FXYD4: variants seen among roughly 807,000 people sequenced by gnomAD.
The protein encoded by FXYD4 is FXYD domain containing ion transport regulator 4, also known as FXYD domain-containing ion transport regulator 4.
A neutral mutation model predicts 18.3 loss-of-function variants in FXYD4; 14 were observed. The observed-to-expected ratio is 0.77, with a 90% CI of 0.51 to 1.20. FXYD4 has a LOEUF of 1.20. Among genes scored for constraint, FXYD4 ranks in the 50% most tolerant of loss-of-function variants. The probability of loss-of-function intolerance (pLI) is 0.00; values close to 1 mark genes in which losing one functional copy is unlikely to be tolerated. For synonymous variants in FXYD4, 40 were observed against 40.5 expected, an observed-to-expected ratio of 0.99 and a Z score of 0.04; for missense variants, 99 against 106.1, an observed-to-expected ratio of 0.93 and a Z score of 0.29.
chr10:43,373,402 A>C (rs1224452379), intron 2 of FXYD4, 113 bp from the exon 3 acceptor site: 9 of 313,278 alleles, frequency 2.9e-5, no homozygotes, highest in Non-Finnish European at 5.4e-5. Flanking sequence ...GGGGAGGAGT[A>C]GGGGGTGGGT....
At position 43,373,701 on chromosome 10, in the gene FXYD4, C is replaced by T. The variant is rs77710270; in HGVS notation, c.-46C>T. 34 of 1,196,466 alleles carry T rather than the reference C, an allele frequency of 2.8e-5. No homozygotes were observed. Among genetic ancestry groups the T allele is most frequent in the African/African-American group, 1.6e-4 (11 of 67,300 alleles). 74.1% of individuals were successfully genotyped at this position (1,196,466 alleles called of 1,614,324 possible). On this transcript the variant is annotated 5_prime_UTR_variant, in exon 3 of 9. Coordinates refer to ENST00000476166, the MANE Select transcript of FXYD4 (RefSeq NM_173160.3). ...AGCAGATCCGTGGGCTGCAGACCCC[C>T]GCCCCAGTGCCTCTCCCCCTGCAGC...
At chr10:43,374,528 C>T (rs1002209672) in intron 4 of FXYD4, 26 bp downstream of exon 4, 2 of 1,613,004 alleles carry the variant, frequency 1.2e-6, no homozygotes, top group African/African-American at 1.3e-5. Context: ...AAACAGCCTG[C>T]CCACTCTGCC....
chr10:43,374,513 C>T lies in FXYD4; in HGVS notation c.70+11C>T, dbSNP rs760177877. 5.6e-6 allele frequency: 9 copies of T among 1,613,576 alleles called. No individual in the cohort carries two copies. The South Asian group carries it at 7.7e-5, about 14-fold the overall frequency. ...CCAATGACCCATTTGGTGAGTGAGG[C>T]CCCCAAACAGCCTGCCCACTCTGCC... On this transcript the variant is annotated intron_variant, in intron 4 of 8. Transcript: ENST00000476166.
intron 5 of FXYD4, 67 bp from the exon 6 acceptor site, chr10:43,375,432 G>A: frequency 8.3e-7 from 1 of 1,210,512 alleles, no homozygotes; most frequent in South Asian, 1.2e-5. Context: ...AGGGGCTCAG[G>A]AGTGTCTTTT....
chr10:43,375,472 C>T (rs369585516), intron 5 of FXYD4, 27 bp from the exon 6 acceptor site: 55 of 1,588,714 alleles, frequency 3.5e-5, no homozygotes, highest in Non-Finnish European at 4.6e-5. Context: ...CAGGCTGGTG[C>T]AAGCTCACTC....
At chr10:43,375,430 A>G in intron 5 of FXYD4, 69 bp from the exon 6 acceptor site, 2 of 1,188,942 alleles carry the variant, frequency 1.7e-6, no homozygotes, top group South Asian at 1.2e-5. Flanking sequence ...GCAGGGGCTC[A>G]GGAGTGTCTT....
At chr10:43,374,685 G>T in intron 5 of FXYD4, 46 bp downstream of exon 5, 1 of 1,504,834 alleles carries the variant, frequency 6.6e-7, no homozygotes, top group South Asian at 1.1e-5. Context: ...GCCTATCCTG[G>T]ACCTCTTTGC....
At chr10:43,373,348 T>C (rs1837830591) in intron 2 of FXYD4, 167 bp from the exon 3 acceptor site, 1 of 189,806 alleles carries the variant, frequency 5.3e-6, no homozygotes, top group East Asian at 1.3e-4. Flanking sequence ...CTCCATTTTT[T>C]TTTTTCTTCT....
chr10:43,376,143 G>T lies in FXYD4; in HGVS notation c.251-4G>T, dbSNP rs746400372. The T allele has an allele frequency of 1.8e-5, 29 of 1,613,904 alleles. No homozygotes were observed. Among genetic ancestry groups the T allele is most frequent in the East Asian group, 1.6e-4 (7 of 44,870 alleles). On this transcript the variant is annotated splice_polypyrimidine_tract_variant and splice_region_variant and intron_variant, in intron 8 of 8. Transcript: ENST00000476166. The stretch of plus-strand genomic sequence containing the variant: ...TCTGATGGCCTGCCCGCCACTCTCC[G>T]CAGGCTCTGCCACTACTTGCTGAGC...
intron 5 of FXYD4, 32 bp downstream of exon 5, chr10:43,374,671 C>G: frequency 1.3e-6 from 2 of 1,564,492 alleles, no homozygotes; most frequent in Non-Finnish European, 1.8e-6. Flanking sequence ...CCCACCCTAC[C>G]CTTGCCTATC....
In FXYD4 at chr10:43,376,281, C is replaced by A; in HGVS notation, c.*115C>A. 1 of 1,116,208 alleles carries A rather than the reference C, an allele frequency of 9.0e-7. No homozygotes were observed. Among genetic ancestry groups the A allele is most frequent in the Non-Finnish European group, 1.3e-6 (1 of 745,440 alleles). 69.1% of individuals were successfully genotyped at this position (1,116,208 alleles called of 1,614,324 possible). A position where few individuals can be genotyped will look rare whatever the true frequency, so the allele number is the denominator to read the frequency against. ...TTCTCTCCAAGGGCAGGCTGTTAGG[C>A]CCCTTTCTGATCAGGAGGCTTCTTT... On this transcript the variant is annotated 3_prime_UTR_variant, in exon 9 of 9. Coordinates refer to ENST00000476166, the MANE Select transcript of FXYD4 (RefSeq NM_173160.3).
chr10:43,375,899 G>A (rs866767462), intron 7 of FXYD4, 133 bp from the exon 8 acceptor site: 30 of 1,216,260 alleles, frequency 2.5e-5, no homozygotes, highest in South Asian at 1.1e-4. Context: ...CTCTGACCTC[G>A]GTATTGTGGG....
chr10:43,375,820 C>A, intron 7 of FXYD4, 86 bp downstream of exon 7: 10 of 1,419,294 alleles, frequency 7.0e-6, no homozygotes, highest in Non-Finnish European at 1.0e-5. Context: ...AGCATCCTGG[C>A]CACTCGCTGG....
At position 43,373,591 on chromosome 10, in the gene FXYD4, G is replaced by C; in HGVS notation, c.-156G>C. 1 of 677,448 alleles carries C rather than the reference G, an allele frequency of 1.5e-6. No homozygotes were observed. The highest frequency in any genetic ancestry group is 2.7e-6 in the Non-Finnish European group (1 of 371,582). The allele number at this position is 677,448 out of a possible 1,614,324, so 42.0% of individuals were successfully genotyped here. On this transcript the variant is annotated 5_prime_UTR_variant, in exon 3 of 9. Transcript: ENST00000476166. ...CTCCCCACAAGCAAGTGTATCCTTGGGGTTTGTACACCTACTTTCACCATG... is the reference window on the plus strand; with the variant it reads ...CTCCCCACAAGCAAGTGTATCCTTGCGGTTTGTACACCTACTTTCACCATG...
intron 6 of FXYD4, 35 bp downstream of exon 6, chr10:43,375,608 G>A: frequency 6.2e-7 from 1 of 1,609,294 alleles, no homozygotes; most frequent in Middle Eastern, 1.7e-4. Flanking sequence ...GGAGGACAGG[G>A]TGGGGCTGGC....
intron 7 of FXYD4, 89 bp downstream of exon 7, chr10:43,375,823 C>T: frequency 2.1e-6 from 3 of 1,401,664 alleles, no homozygotes; most frequent in South Asian, 2.3e-5. Flanking sequence ...ATCCTGGCCA[C>T]TCGCTGGGCT....
chr10:43,372,780 G>T lies in FXYD4; in HGVS notation c.-233+8G>T, dbSNP rs1837823284. ...TGCAGAGTCACACAGTTGGTAAGTT[G>T]CTAAGAAGGGACCCAGCCCAGACAG... is the stretch of plus-strand genomic sequence containing the variant. On this transcript the variant is annotated splice_region_variant and intron_variant, in intron 2 of 8. Transcript: ENST00000476166. The T allele has an allele frequency of 6.6e-6, 1 of 152,216 alleles. No homozygotes were observed. Among genetic ancestry groups the T allele is most frequent in the South Asian group, 2.1e-4 (1 of 4,830 alleles). The allele number at this position is 152,216 out of a possible 1,614,324, so 9.4% of individuals were successfully genotyped here.
chr10:43,375,821 C>T (rs1352918641), intron 7 of FXYD4, 87 bp downstream of exon 7: 5 of 1,418,304 alleles, frequency 3.5e-6, no homozygotes, highest in South Asian at 2.3e-5. Flanking sequence ...GCATCCTGGC[C>T]ACTCGCTGGG....
rs567506747 is a variant in FXYD4, at chr10:43,373,647, C to T, written c.-100C>T. 6.5e-5 allele frequency: 51 copies of T among 784,386 alleles called. 1 individual carries two copies. In the South Asian group the frequency reaches 6.6e-4, roughly 10 times the overall value. 48.6% of individuals were successfully genotyped at this position (784,386 alleles called of 1,614,324 possible). ...CTGCCTGCCCCCGCCCCTGCCTCCT[C>T]TCGCTGACCAATTGAGCTGTGAGCC... On this transcript the variant is annotated 5_prime_UTR_variant, in exon 3 of 9. Coordinates refer to ENST00000476166, the MANE Select transcript of FXYD4 (RefSeq NM_173160.3).
Sources: gnomAD v4.1 joint callset for allele counts on GRCh38, gnomAD v4.1.1 for gene constraint, MANE v1.5 for transcripts, NCBI Gene and HGNC (gene_info 2026-07-23, HGNC 2026-07-21) for gene names.